Variants in NAV2 observed in about 807,000 individuals in gnomAD.
The protein encoded by NAV2 is helicase, APC down-regulated 1.
Under a neutral mutation model 223.2 loss-of-function variants are expected in NAV2, and 54 were observed. That is an observed-to-expected ratio of 0.24 (90% confidence interval 0.19 to 0.30). The LOEUF is 0.30. Among genes scored for constraint, NAV2 ranks in the 10% least tolerant of loss-of-function variants. The pLI, the probability that NAV2 is intolerant of heterozygous loss-of-function variation, is 1.00. For synonymous variants in NAV2, 1,279 were observed against 1,239.3 expected (o/e 1.03, Z -0.67); for missense variants, 2,806 against 3,147.5 (o/e 0.89, Z 2.60).
intron 4 of NAV2, among the ~76,000 whole-genome samples, chr11:19,879,442 G>T (rs1000629994): frequency 1.3e-5 from 2 of 152,070 alleles, no homozygotes; most frequent in Admixed American, 6.5e-5. Context: ...CATGGAGTGG[G>T]ACAGCAGCCA....
Position 19,765,378 on chromosome 11 carries a change from T to TTTCCTTCCTTCCTTCC in NAV2, c.267+51417_267+51432dup, listed in dbSNP as rs145700371. 9.1e-4 allele frequency among the ~76,000 whole-genome samples: 131 copies of TTTCCTTCCTTCCTTCC among 144,356 alleles called. 2 individuals carry two copies. Among genetic ancestry groups the TTTCCTTCCTTCCTTCC allele is most frequent in the African/African-American group, 8.6e-4 (32 of 37,066 alleles). 94.7% of individuals were successfully genotyped at this position (144,356 alleles called of 152,430 possible). On this transcript the variant is annotated intron_variant, in intron 1 of 37. Transcript: ENST00000349880. Reference sequence around the variant, plus strand: ...ATCCTGTCCTCCTCATCTTCCCTTCTTTCCTTCCTTCCTTCCCTCCCTCCC... The same window carrying TTTCCTTCCTTCCTTCC: ...ATCCTGTCCTCCTCATCTTCCCTTCTTTCCTTCCTTCCTTCCTTCCTTCCTTCCTTCCCTCCCTCCC...
At chr11:19,924,818 G>A (rs1217016944) in intron 6 of NAV2, among the ~76,000 whole-genome samples, 1 of 152,178 alleles carries the variant, frequency 6.6e-6, no homozygotes, top group Non-Finnish European at 1.5e-5. Flanking sequence ...GAGAGATCTG[G>A]TGTGGATAAT....
At chr11:19,623,366 A>C (rs1480486635) in intron 1 of NAV2, among the ~76,000 whole-genome samples, 1 of 152,158 alleles carries the variant, frequency 6.6e-6, no homozygotes, top group Admixed American at 6.5e-5. Flanking sequence ...GTGTTTTCCA[A>C]CTTGGTTCCA....
At chr11:19,559,676 A>G (rs773644504) in intron 1 of NAV2, among the ~76,000 whole-genome samples, 10 of 152,344 alleles carry the variant, frequency 6.6e-5, no homozygotes, top group Non-Finnish European at 1.3e-4. Flanking sequence ...CAAGTCTTCA[A>G]GAAGCGTCTA....
chr11:19,845,689 C>T (rs1245174690), intron 3 of NAV2, among the ~76,000 whole-genome samples: 1 of 152,180 alleles, frequency 6.6e-6, no homozygotes. Context: ...CCTCCCTTCA[C>T]TCTTCCTAAC....
At chr11:19,408,040 T>G (rs1402679822) in intron 1 of NAV2, among the ~76,000 whole-genome samples, 1 of 152,128 alleles carries the variant, frequency 6.6e-6, no homozygotes, top group Non-Finnish European at 1.5e-5. Context: ...CATTTCCCTA[T>G]GAAAACAGCC....
chr11:20,066,737 T>G (rs551116730), intron 20 of NAV2, among the ~76,000 whole-genome samples: 101 of 152,304 alleles, frequency 6.6e-4, no homozygotes, highest in African/African-American at 2.2e-3. Context: ...AGATGCTGAT[T>G]TTTAAAAAAT....
chr11:19,597,499 C>G (rs2046233613), intron 1 of NAV2, among the ~76,000 whole-genome samples: 1 of 152,184 alleles, frequency 6.6e-6, no homozygotes, highest in Non-Finnish European at 1.5e-5. Context: ...TCTTGGAGGG[C>G]TATGAAGAAG....
At chr11:19,356,396 C>A (rs1359171489) in intron 1 of NAV2, among the ~76,000 whole-genome samples, 1 of 152,070 alleles carries the variant, frequency 6.6e-6, no homozygotes, top group African/African-American at 2.4e-5. Context: ...TGTTGAGTAC[C>A]TACTGTGTGC....
chr11:19,594,880 A>T (rs2046164251), intron 1 of NAV2, among the ~76,000 whole-genome samples: 1 of 152,214 alleles, frequency 6.6e-6, no homozygotes, highest in Non-Finnish European at 1.5e-5. Flanking sequence ...CACATAAAGC[A>T]CTTGCAAAGA....
At chr11:19,965,184 T>TG (rs756394741) in intron 10 of NAV2, among the ~76,000 whole-genome samples, 6 of 147,854 alleles carry the variant, frequency 4.1e-5, no homozygotes, top group Admixed American at 6.7e-5. Context: ...CACAGGGATT[T>TG]GGGGGGGCGG....
intron 1 of NAV2, among the ~76,000 whole-genome samples, chr11:19,357,814 A>G (rs1412819966): frequency 6.6e-6 from 1 of 152,172 alleles, no homozygotes; most frequent in Non-Finnish European, 1.5e-5. Context: ...ATCTTTCCAC[A>G]CGTTAAATTA....
chr11:20,099,772 G>T (rs1016974739), intron 31 of NAV2, among the ~76,000 whole-genome samples: 1 of 152,124 alleles, frequency 6.6e-6, no homozygotes, highest in Non-Finnish European at 1.5e-5. Context: ...GGGGTTTATG[G>T]CAGAAGACCG....
intron 1 of NAV2, among the ~76,000 whole-genome samples, chr11:19,774,948 G>A (rs1487380631): frequency 6.6e-6 from 1 of 152,044 alleles, no homozygotes; most frequent in African/African-American, 2.4e-5. Context: ...TAAATGTTGT[G>A]GCTATCCTAG....
intron 10 of NAV2, among the ~76,000 whole-genome samples, chr11:19,959,200 C>G (rs549413717): frequency 6.6e-6 from 1 of 152,292 alleles, no homozygotes; most frequent in South Asian, 2.1e-4. Context: ...CACCCCCAGA[C>G]CAAGGTGGGT....
chr11:19,849,930 T>C (rs544044274), intron 3 of NAV2, among the ~76,000 whole-genome samples: 1 of 152,286 alleles, frequency 6.6e-6, no homozygotes, highest in South Asian at 2.1e-4. Context: ...GTCATGCCTG[T>C]TTAAAACTGT....
chr11:19,823,681 C>G (rs954194168), intron 1 of NAV2, among the ~76,000 whole-genome samples: 1 of 152,142 alleles, frequency 6.6e-6, no homozygotes, highest in Non-Finnish European at 1.5e-5. Context: ...TAAGGAAGGT[C>G]GAGCAACTCA....
At chr11:19,857,449 G>A (rs535001664) in intron 3 of NAV2, among the ~76,000 whole-genome samples, 80 of 152,330 alleles carry the variant, frequency 5.3e-4, no homozygotes, top group African/African-American at 1.8e-3. Context: ...GAGACTAGCT[G>A]CTCCTTGAGG....
intron 10 of NAV2, among the ~76,000 whole-genome samples, chr11:19,952,115 C>T (rs921109703): frequency 6.6e-6 from 1 of 152,230 alleles, no homozygotes; most frequent in African/African-American, 2.4e-5. Flanking sequence ...GAGCAAGACA[C>T]TTAATGTCTT....
Sources: gnomAD v4.1 joint callset for allele counts (sites outside exome capture counted in the v4.1 genomes callset) on GRCh38, gnomAD v4.1.1 for gene constraint, MANE v1.5 for transcripts, NCBI Gene and HGNC (gene_info 2026-07-23, HGNC 2026-07-21) for gene names.